Variants in WASF3 observed in about 807,000 individuals in gnomAD.
WASF3 encodes WASP family member 3.
WASF3 carries 11 observed loss-of-function variants against 46.6 expected under a neutral mutation model. The observed-to-expected ratio is 0.24, with a 90% CI of 0.15 to 0.39. WASF3 has a LOEUF of 0.39. WASF3 is among the 10% of genes least tolerant of loss of function. The pLI is 1.00. For synonymous variants in WASF3, 242 were observed against 259.7 expected (o/e 0.93, Z 0.65); for missense variants, 576 against 669.8 (o/e 0.86, Z 1.55).
rs574548556 is a variant in WASF3, at chr13:26,639,406, C to T, written c.-10-2855C>T. ...CAAAGAGAAATATATATGTAAATGT[C>T]TATGGCTGTACAATCAGCAAACATT... On this transcript the variant is annotated intron_variant, in intron 2 of 9. Transcript: ENST00000335327. Among the ~76,000 whole-genome samples the T allele has an allele frequency of 3.3e-5, 5 of 152,314 alleles. No homozygotes were observed. The South Asian group carries it at 1.0e-3, about 32-fold the overall frequency.
intron 7 of WASF3, among the ~76,000 whole-genome samples, chr13:26,680,486 G>C (rs145947662): frequency 6.6e-6 from 1 of 152,300 alleles, no homozygotes; most frequent in Non-Finnish European, 1.5e-5. Context: ...TGTGTGCAAA[G>C]AAAACTATGG....
chr13:26,681,803 C>G (rs1883239459), intron 8 of WASF3, among the ~76,000 whole-genome samples: 1 of 152,098 alleles, frequency 6.6e-6, no homozygotes, highest in African/African-American at 2.4e-5. Context: ...CTCCTGTTCC[C>G]TGAGAAGTAG....
intron 2 of WASF3, among the ~76,000 whole-genome samples, chr13:26,625,005 G>A (rs1299232199): frequency 6.6e-6 from 1 of 152,150 alleles, no homozygotes; most frequent in Admixed American, 6.6e-5. Context: ...AAGTTCTTGG[G>A]CAGAAGGGGC....
At chr13:26,644,469 T>TAA (rs987428776) in intron 3 of WASF3, among the ~76,000 whole-genome samples, 1 of 152,204 alleles carries the variant, frequency 6.6e-6, no homozygotes, top group Non-Finnish European at 1.5e-5. Flanking sequence ...AGTTCTGAGT[T>TAA]ACGCTACTGC....
At chr13:26,633,594 T>A (rs1463095759) in intron 2 of WASF3, among the ~76,000 whole-genome samples, 1 of 152,236 alleles carries the variant, frequency 6.6e-6, no homozygotes, top group Non-Finnish European at 1.5e-5. Flanking sequence ...GGGTGTCGAT[T>A]TTAGATCTTT....
chr13:26,654,025 T>A (rs1566064257), intron 3 of WASF3, among the ~76,000 whole-genome samples: 1 of 152,182 alleles, frequency 6.6e-6, no homozygotes, highest in Non-Finnish European at 1.5e-5. Context: ...TGAAATGACG[T>A]CAGTCATCTT....
intron 1 of WASF3, among the ~76,000 whole-genome samples, chr13:26,561,457 A>G (rs1356137599): frequency 6.6e-6 from 1 of 151,998 alleles, no homozygotes; most frequent in Non-Finnish European, 1.5e-5. Flanking sequence ...GGAAAAGATT[A>G]TGGGTCACAC....
chr13:26,677,639 G>T (rs2137499686), intron 7 of WASF3, among the ~76,000 whole-genome samples: 1 of 152,334 alleles, frequency 6.6e-6, no homozygotes, highest in Non-Finnish European at 1.5e-5. Context: ...TTGGGAGGAT[G>T]TGAGGCAAGT....
chr13:26,540,462 C>T, the WASF3 span, among the ~76,000 whole-genome samples: 8 of 152,176 alleles, frequency 5.3e-5, no homozygotes, highest in African/African-American at 1.7e-4. Flanking sequence ...CTCCTAATTT[C>T]CTGCAGCTCA....
chr13:26,580,855 C>T (rs571958241), intron 1 of WASF3, among the ~76,000 whole-genome samples: 1 of 151,460 alleles, frequency 6.6e-6, no homozygotes, highest in East Asian at 1.9e-4. Context: ...GAGCTCCCGA[C>T]CTCAGGTGAT....
chr13:26,567,829 A>G (rs73166014), intron 1 of WASF3, among the ~76,000 whole-genome samples: 24,541 of 152,030 alleles, frequency 0.16, 2,515 homozygotes, highest in South Asian at 0.25. Context: ...GTGTGTGTAT[A>G]TATATATAAA....
rs1882803887 is a variant in WASF3, at chr13:26,667,404, A to G, written c.269-113A>G. Reference sequence around the variant, plus strand: ...ATGGTTTTTAAATGGACAATAAAAAATATTATTTGGTTGTTCTAGGAGGTG... The same window carrying G: ...ATGGTTTTTAAATGGACAATAAAAAGTATTATTTGGTTGTTCTAGGAGGTG... On this transcript the variant is annotated intron_variant, in intron 4 of 9. Transcript: ENST00000335327. 7 of 916,144 alleles carry G rather than the reference A, an allele frequency of 7.6e-6. No individual in the cohort carries two copies. In the South Asian group the frequency reaches 1.1e-4, roughly 15 times the overall value. 56.8% of individuals were successfully genotyped at this position (916,144 alleles called of 1,614,324 possible).
At chr13:26,657,817 A>G (rs1249179940) in intron 3 of WASF3, among the ~76,000 whole-genome samples, 78 of 152,226 alleles carry the variant, frequency 5.1e-4, no homozygotes, top group Non-Finnish European at 1.0e-4. Flanking sequence ...TGTAATTATA[A>G]CACTATTCTT....
chr13:26,616,160 A>T (rs1479780859), intron 2 of WASF3, among the ~76,000 whole-genome samples: 1 of 152,190 alleles, frequency 6.6e-6, no homozygotes, highest in East Asian at 1.9e-4. Flanking sequence ...ATCGTGTGAT[A>T]AGTGTATGTT....
chr13:26,573,105 G>C (rs1323239236), intron 1 of WASF3, among the ~76,000 whole-genome samples: 4 of 152,112 alleles, frequency 2.6e-5, no homozygotes, highest in Non-Finnish European at 5.9e-5. Context: ...TATCATCTGG[G>C]TTTTTTGGGG....
At chr13:26,577,942 A>G (rs1214262137) in intron 1 of WASF3, among the ~76,000 whole-genome samples, 2 of 152,166 alleles carry the variant, frequency 1.3e-5, no homozygotes, top group Non-Finnish European at 2.9e-5. Flanking sequence ...TGATTTCTTT[A>G]TATTAATTTG....
intron 5 of WASF3, among the ~76,000 whole-genome samples, chr13:26,671,398 T>C (rs1292140611): frequency 7.2e-5 from 11 of 152,206 alleles, no homozygotes; most frequent in Admixed American, 1.3e-4. Flanking sequence ...ATTGAACTTA[T>C]AGATGTTGGG....
chr13:26,665,296 G>A (rs535786625), intron 4 of WASF3, 134 bp downstream of exon 4: 6 of 1,124,884 alleles, frequency 5.3e-6, no homozygotes, highest in South Asian at 3.2e-5. Flanking sequence ...GAAGAATAGC[G>A]AGGGGGAAAA....
Position 26,679,897 on chromosome 13 carries a change from C to A in WASF3, c.717-1157C>A. The A allele has an allele frequency of 1.1e-6, 1 of 951,590 alleles. No homozygotes were observed. Among genetic ancestry groups the A allele is most frequent in the Non-Finnish European group, 1.5e-6 (1 of 655,562 alleles). 58.9% of individuals were successfully genotyped at this position (951,590 alleles called of 1,614,324 possible). ...GAAAAAGGAAAAGAAGCTGTCTCTTCTCATTTGGAAGGCTTTTCTGTGCCA... is the reference window on the plus strand; with the variant it reads ...GAAAAAGGAAAAGAAGCTGTCTCTTATCATTTGGAAGGCTTTTCTGTGCCA... On this transcript the variant is annotated intron_variant, in intron 7 of 9. Coordinates refer to ENST00000335327, the MANE Select transcript of WASF3 (RefSeq NM_006646.6). The surrounding 1 kb of genome is among the most constrained non-coding windows in gnomAD (Gnocchi z 4.8).
Sources: allele counts gnomAD v4.1 joint callset (sites outside exome capture counted in the v4.1 genomes callset), GRCh38; gene constraint gnomAD v4.1.1; non-coding constraint Gnocchi (gnomAD v3.1); transcripts MANE v1.5; gene names NCBI Gene and HGNC (gene_info 2026-07-23, HGNC 2026-07-21).